The following IMMP2L variants were observed in gnomAD, a reference collection of about 807,000 sequenced individuals.
The protein encoded by IMMP2L is mitochondrial inner membrane protease subunit 2.
IMMP2L carries 18 observed loss-of-function variants against 19.3 expected under a neutral mutation model. The ratio of observed to expected loss-of-function variants is 0.93; its 90% CI spans 0.64 to 1.38. IMMP2L has a LOEUF of 1.38. IMMP2L is among the 40% of genes most tolerant of loss of function. The pLI, the probability that IMMP2L is intolerant of heterozygous loss-of-function variation, is 0.00. For missense variants in IMMP2L, 233 were observed against 218.2 expected, an observed-to-expected ratio of 1.07 and a Z score of -0.43; for synonymous variants, 76 against 73.0, an observed-to-expected ratio of 1.04 and a Z score of -0.21.
intron 5 of IMMP2L, among the ~76,000 whole-genome samples, chr7:110,843,866 C>T (rs936454996): frequency 2.6e-5 from 4 of 152,036 alleles, no homozygotes; most frequent in Non-Finnish European, 5.9e-5. Flanking sequence ...CGTGTGTCGG[C>T]ATGGGAGGCA....
intron 3 of IMMP2L, among the ~76,000 whole-genome samples, chr7:111,111,950 T>A (rs912442288): frequency 7.6e-6 from 1 of 131,782 alleles, no homozygotes; most frequent in Non-Finnish European, 1.6e-5. Flanking sequence ...TTGTTTTTTT[T>A]TTTTTTTTTT....
chr7:110,916,669 T>G (rs1345148586), intron 4 of IMMP2L, among the ~76,000 whole-genome samples: 1 of 152,214 alleles, frequency 6.6e-6, no homozygotes, highest in East Asian at 1.9e-4. Context: ...TGCCAAATAA[T>G]TGTAAGAGCA....
chr7:110,879,074 A>G (rs1427714664), intron 5 of IMMP2L, among the ~76,000 whole-genome samples: 2 of 152,106 alleles, frequency 1.3e-5, no homozygotes. Flanking sequence ...AACTTTTAAT[A>G]TTTTCACTTA....
intron 5 of IMMP2L, among the ~76,000 whole-genome samples, chr7:110,673,466 C>G (rs1386891656): frequency 1.3e-5 from 2 of 152,230 alleles, no homozygotes; most frequent in Non-Finnish European, 2.9e-5. Flanking sequence ...CTCCTCATTA[C>G]TTATGCAAAT....
chr7:111,514,723 T>C (rs1185503083), intron 2 of IMMP2L, among the ~76,000 whole-genome samples: 1 of 152,130 alleles, frequency 6.6e-6, no homozygotes, highest in Non-Finnish European at 1.5e-5. Context: ...CCAACAATTA[T>C]GGATTCATAG....
chr7:110,749,134 CAT>C (rs1209748063), intron 5 of IMMP2L, among the ~76,000 whole-genome samples: 7 of 152,174 alleles, frequency 4.6e-5, no homozygotes, highest in Non-Finnish European at 8.8e-5. Flanking sequence ...AACCAACAAA[CAT>C]ATGAAACAGA....
At chr7:111,344,098 T>C (rs1282490153) in intron 3 of IMMP2L, among the ~76,000 whole-genome samples, 2 of 152,100 alleles carry the variant, frequency 1.3e-5, no homozygotes, top group Non-Finnish European at 2.9e-5. Context: ...TCTTGCCCCA[T>C]CCAATTTATT....
intron 4 of IMMP2L, among the ~76,000 whole-genome samples, chr7:110,900,880 A>G (rs1811792167): frequency 6.6e-6 from 1 of 151,892 alleles, no homozygotes; most frequent in Admixed American, 6.6e-5. Flanking sequence ...ACTGTCTTAT[A>G]CCATCTGGCC....
intron 5 of IMMP2L, among the ~76,000 whole-genome samples, chr7:110,726,974 CA>C (rs1205363537): frequency 6.6e-6 from 1 of 152,054 alleles, no homozygotes; most frequent in African/African-American, 2.4e-5. Context: ...AAGATCTCAA[CA>C]AAAAACACAG....
At chr7:110,876,223 A>G (rs1809050645) in intron 5 of IMMP2L, among the ~76,000 whole-genome samples, 1 of 152,132 alleles carries the variant, frequency 6.6e-6, no homozygotes, top group Non-Finnish European at 1.5e-5. Flanking sequence ...TCGCCCTTCT[A>G]TGTTTCCTTC....
chr7:111,388,497 C>A (rs181125482), intron 3 of IMMP2L, among the ~76,000 whole-genome samples: 21 of 151,878 alleles, frequency 1.4e-4, no homozygotes, highest in African/African-American at 5.1e-4. Flanking sequence ...TATATATGTA[C>A]GTACATATAT....
intron 4 of IMMP2L, among the ~76,000 whole-genome samples, chr7:110,955,404 G>C (rs117198108): frequency 1.1e-3 from 167 of 151,936 alleles, no homozygotes; most frequent in Non-Finnish European, 2.0e-3. Flanking sequence ...GGATACTGAT[G>C]ATTTTTCACA....
At chr7:111,146,491 G>T (rs1307618561) in intron 3 of IMMP2L, among the ~76,000 whole-genome samples, 3 of 151,990 alleles carry the variant, frequency 2.0e-5, no homozygotes, top group African/African-American at 7.2e-5. Context: ...TGTTTGTTTA[G>T]CTTAGAACCA....
At position 111,413,433 on chromosome 7, in the gene IMMP2L, T is replaced by C. The variant is rs377392636; in HGVS notation, c.239+73805A>G. Among the ~76,000 whole-genome samples the C allele has an allele frequency of 1.1e-4, 16 of 151,976 alleles. No homozygotes were observed. The South Asian group carries it at 2.9e-3, about 28-fold the overall frequency. On this transcript the variant is annotated intron_variant, in intron 3 of 5. Coordinates refer to ENST00000405709, the MANE Select transcript of IMMP2L (RefSeq NM_032549.4). Reference sequence around the variant, plus strand: ...AAGACAGACCAATGTATCTCATACATATAGACATAAAGAAAGATCTTTAAC... The same window carrying C: ...AAGACAGACCAATGTATCTCATACACATAGACATAAAGAAAGATCTTTAAC...
intron 5 of IMMP2L, among the ~76,000 whole-genome samples, chr7:110,686,292 T>C (rs919461661): frequency 5.3e-5 from 8 of 151,944 alleles, no homozygotes; most frequent in Non-Finnish European, 8.8e-5. Flanking sequence ...ATAATCCCCC[T>C]GTTTCCTGAA....
chr7:111,232,959 A>G (rs1475201266), intron 3 of IMMP2L, among the ~76,000 whole-genome samples: 2 of 151,912 alleles, frequency 1.3e-5, no homozygotes, highest in Non-Finnish European at 2.9e-5. Context: ...GGTACGATGT[A>G]CTCCCAATGC....
intron 5 of IMMP2L, among the ~76,000 whole-genome samples, chr7:110,741,665 T>C (rs987353218): frequency 1.3e-5 from 2 of 152,204 alleles, no homozygotes; most frequent in African/African-American, 4.8e-5. Flanking sequence ...AGGTATTTTG[T>C]TGCAGCAGCC....
At chr7:110,855,490 A>C (rs1407727099) in intron 5 of IMMP2L, among the ~76,000 whole-genome samples, 2 of 152,008 alleles carry the variant, frequency 1.3e-5, no homozygotes, top group African/African-American at 2.4e-5. Flanking sequence ...TCATTTCGTA[A>C]GACTGATATG....
chr7:110,982,349 A>C (rs956242510), intron 3 of IMMP2L, among the ~76,000 whole-genome samples: 1 of 152,166 alleles, frequency 6.6e-6, no homozygotes, highest in Non-Finnish European at 1.5e-5. Flanking sequence ...TATTTAAGGC[A>C]ACAGTTTGAC....
Sources: allele counts gnomAD v4.1 joint callset (sites outside exome capture counted in the v4.1 genomes callset), GRCh38; gene constraint gnomAD v4.1.1; transcripts MANE v1.5; gene names NCBI Gene and HGNC (gene_info 2026-07-23, HGNC 2026-07-21).